EPHA6: variants seen among roughly 807,000 people sequenced by gnomAD.
EPHA6 encodes EPH receptor A6.
EPHA6 carries 50 observed loss-of-function variants against 112.0 expected under a neutral mutation model. The ratio of observed to expected loss-of-function variants is 0.45; its 90% CI spans 0.36 to 0.56. EPHA6 has a LOEUF of 0.56. Among genes scored for constraint, EPHA6 ranks in the 20% least tolerant of loss-of-function variants. EPHA6 has a pLI of 0.00. For missense variants in EPHA6, 1,280 were observed against 1,417.4 expected (o/e 0.90, Z 1.56); for synonymous variants, 529 against 490.7 (o/e 1.08, Z -1.03).
At chr3:96,871,188 TAATC>T (rs1276671516) in intron 2 of EPHA6, among the ~76,000 whole-genome samples, 1 of 152,036 alleles carries the variant, frequency 6.6e-6, no homozygotes, top group Non-Finnish European at 1.5e-5. Context: ...TTTTGTTAAT[TAATC>T]AATTCTATCA....
At chr3:96,860,507 T>C (rs1413502327) in intron 1 of EPHA6, among the ~76,000 whole-genome samples, 1 of 152,074 alleles carries the variant, frequency 6.6e-6, no homozygotes, top group Non-Finnish European at 1.5e-5. Context: ...ATTAAACCAA[T>C]GATTTAAGTG....
At chr3:97,397,614 A>C (rs2086768102) in intron 5 of EPHA6, among the ~76,000 whole-genome samples, 1 of 151,658 alleles carries the variant, frequency 6.6e-6, no homozygotes, top group South Asian at 2.1e-4. Context: ...ATATTGATTC[A>C]GTTCTTACAT....
At chr3:97,188,363 C>A (rs1272133200) in intron 3 of EPHA6, among the ~76,000 whole-genome samples, 2 of 151,704 alleles carry the variant, frequency 1.3e-5, no homozygotes, top group African/African-American at 2.4e-5. Context: ...TTAAAGTAGA[C>A]ATTAAATTTT....
intron 10 of EPHA6, among the ~76,000 whole-genome samples, chr3:97,518,509 C>T (rs565872330): frequency 2.7e-5 from 4 of 150,826 alleles, no homozygotes; most frequent in Non-Finnish European, 5.9e-5. Context: ...ATCATGTGGT[C>T]GTTCTTTTGT....
chr3:97,029,195 G>T (rs552139309), intron 3 of EPHA6, among the ~76,000 whole-genome samples: 2 of 151,740 alleles, frequency 1.3e-5, no homozygotes, highest in Admixed American at 6.6e-5. Flanking sequence ...TATTGAGTTA[G>T]CTAGATATAA....
chr3:97,583,463 C>T (rs527774266), intron 11 of EPHA6, among the ~76,000 whole-genome samples: 7 of 151,474 alleles, frequency 4.6e-5, no homozygotes, highest in Admixed American at 3.3e-4. Context: ...GGTGTGAACC[C>T]GGGAGGCAGA....
At chr3:97,268,307 G>A (rs1055598756) in intron 5 of EPHA6, among the ~76,000 whole-genome samples, 1 of 152,170 alleles carries the variant, frequency 6.6e-6, no homozygotes, top group Non-Finnish European at 1.5e-5. Flanking sequence ...AGGCAGGCTG[G>A]AAGATCAAGT....
At chr3:97,421,734 TG>T (rs1173311556) in intron 6 of EPHA6, among the ~76,000 whole-genome samples, 1 of 152,186 alleles carries the variant, frequency 6.6e-6, no homozygotes, top group East Asian at 1.9e-4. Context: ...TTAGAGTTAC[TG>T]TATAGTGCAT....
chr3:97,377,307 CA>C (rs1387607458), intron 5 of EPHA6, among the ~76,000 whole-genome samples: 1 of 152,138 alleles, frequency 6.6e-6, no homozygotes, highest in Non-Finnish European at 1.5e-5. Context: ...TTGCCACCAC[CA>C]TATAAGAAGT....
At chr3:97,084,723 A>G (rs1028158929) in intron 3 of EPHA6, among the ~76,000 whole-genome samples, 1 of 152,124 alleles carries the variant, frequency 6.6e-6, no homozygotes, top group Admixed American at 6.6e-5. Context: ...AAGGATAGTT[A>G]CAAAACACTG....
intron 2 of EPHA6, among the ~76,000 whole-genome samples, chr3:96,941,894 C>T (rs1005999787): frequency 3.0e-4 from 43 of 143,780 alleles, no homozygotes; most frequent in Middle Eastern, 3.5e-3. Flanking sequence ...GTACCAGCAG[C>T]GGTGGCTGTA....
At chr3:97,021,039 T>G (rs544992952) in intron 3 of EPHA6, among the ~76,000 whole-genome samples, 1 of 152,342 alleles carries the variant, frequency 6.6e-6, no homozygotes, top group African/African-American at 2.4e-5. Context: ...ATTGTGGTCC[T>G]TATATTATTC....
intron 11 of EPHA6, among the ~76,000 whole-genome samples, chr3:97,554,179 G>T (rs1307647905): frequency 6.6e-6 from 1 of 151,488 alleles, no homozygotes; most frequent in Admixed American, 6.6e-5. Context: ...ACTTCTATTT[G>T]AACAAAACAA....
At chr3:97,725,417 C>T (rs1215627528) in intron 15 of EPHA6, among the ~76,000 whole-genome samples, 2 of 152,114 alleles carry the variant, frequency 1.3e-5, no homozygotes, top group African/African-American at 4.8e-5. Context: ...TTGTAACTGG[C>T]AGTTTCCCCA....
intron 5 of EPHA6, among the ~76,000 whole-genome samples, chr3:97,376,736 A>C (rs977124744): frequency 6.6e-6 from 1 of 152,218 alleles, no homozygotes; most frequent in Non-Finnish European, 1.5e-5. Context: ...TGAGGGATTT[A>C]TACTCAACAG....
intron 5 of EPHA6, among the ~76,000 whole-genome samples, chr3:97,337,822 C>T (rs2083128949): frequency 6.6e-6 from 1 of 152,094 alleles, no homozygotes; most frequent in Admixed American, 6.6e-5. Context: ...TTAGATTTAT[C>T]ACAGTAATCA....
intron 2 of EPHA6, among the ~76,000 whole-genome samples, chr3:96,944,918 C>T (rs140462875): frequency 0.023 from 3,485 of 152,184 alleles, 140 homozygotes; most frequent in African/African-American, 0.079. Flanking sequence ...CCAGCCTAGG[C>T]GACAGAGCGA....
intron 3 of EPHA6, among the ~76,000 whole-genome samples, chr3:97,218,541 G>A (rs909604671): frequency 5.9e-5 from 9 of 152,070 alleles, no homozygotes; most frequent in African/African-American, 2.2e-4. Flanking sequence ...GATCTTGTAA[G>A]AAGTCACTCA....
chr3:97,626,327 C>T (rs1298853273), intron 13 of EPHA6, among the ~76,000 whole-genome samples: 2 of 151,784 alleles, frequency 1.3e-5, no homozygotes, highest in Non-Finnish European at 2.9e-5. Context: ...TAATGCTGAA[C>T]ATTCAGCTGA....
Sources: allele counts gnomAD v4.1 joint callset (sites outside exome capture counted in the v4.1 genomes callset), GRCh38; gene constraint gnomAD v4.1.1; transcripts MANE v1.5; gene names NCBI Gene and HGNC (gene_info 2026-07-23, HGNC 2026-07-21).